The following ANO6 variants were observed in gnomAD, a reference collection of about 807,000 sequenced individuals.
The protein encoded by ANO6 is anoctamin 6, also known as anoctamin-6.
ANO6 carries 106 observed loss-of-function variants against 117.5 expected under a neutral mutation model. That is an observed-to-expected ratio of 0.90 (90% CI 0.77 to 1.06). The LOEUF (loss-of-function observed/expected upper bound fraction) is 1.06. Ranked by LOEUF, ANO6 falls within the 50% of genes least tolerant of loss-of-function variation. The pLI is 0.00. For missense variants in ANO6, 955 were observed against 1,121.1 expected, an observed-to-expected ratio of 0.85 and a Z score of 2.12; for synonymous variants, 367 against 385.1, an observed-to-expected ratio of 0.95 and a Z score of 0.55.
At chr12:45,217,323 T>C (rs114653198) in intron 1 of ANO6, among the ~76,000 whole-genome samples, 5,002 of 152,256 alleles carry the variant, frequency 0.033, 241 homozygotes, top group African/African-American at 0.11. Context: ...GTCTCCTGGA[T>C]GCCAAATCAA....
At chr12:45,338,996 G>A (rs1230591261) in intron 3 of ANO6, among the ~76,000 whole-genome samples, 3 of 152,054 alleles carry the variant, frequency 2.0e-5, no homozygotes, top group African/African-American at 4.8e-5. Flanking sequence ...TCATTTACCT[G>A]GTACCAGCAG....
chr12:45,236,452 A>G (rs1278960706), intron 1 of ANO6, among the ~76,000 whole-genome samples: 1 of 152,084 alleles, frequency 6.6e-6, no homozygotes, highest in Non-Finnish European at 1.5e-5. Flanking sequence ...TCATTGTTCA[A>G]TTCCCAACTA....
chr12:45,301,197 G>A (rs1446885018), intron 1 of ANO6, among the ~76,000 whole-genome samples: 1 of 151,334 alleles, frequency 6.6e-6, no homozygotes, highest in African/African-American at 2.4e-5. Context: ...AGGGTAGTAT[G>A]GGTTAAATAA....
chr12:45,416,828 T>C lies in ANO6; in HGVS notation c.2141T>C (p.Val714Ala). 6.2e-7 allele frequency: 1 copy of C among 1,614,144 alleles called. No homozygotes were observed. The highest frequency in any genetic ancestry group is 8.5e-7 in the Non-Finnish European group (1 of 1,180,022). Residue 714 changes from valine (V) to alanine (A), a missense_variant, in exon 17 of 20, where the codon GTA (valine) becomes GCA (alanine). Coordinates refer to ENST00000320560, the MANE Select transcript of ANO6 (RefSeq NM_001025356.3). ...CTGACCACCCAGTTTAGACGCCTGGTACCAGAGAAAGCCCAAGACATTGGA... is the reference window on the plus strand; with the variant it reads ...CTGACCACCCAGTTTAGACGCCTGGCACCAGAGAAAGCCCAAGACATTGGA... ...WKLTTQFRRL[V>A]PEKAQDIGAW...
intron 13 of ANO6, among the ~76,000 whole-genome samples, chr12:45,402,355 G>A (rs1942813811): frequency 6.6e-6 from 1 of 152,172 alleles, no homozygotes; most frequent in Non-Finnish European, 1.5e-5. Context: ...CATGGTTCCG[G>A]TGGCAAATAT....
chr12:45,225,646 G>A (rs367562560), intron 1 of ANO6, among the ~76,000 whole-genome samples: 2 of 151,944 alleles, frequency 1.3e-5, no homozygotes, highest in Admixed American at 6.6e-5. Context: ...CCACCACCAC[G>A]CCCGGCTAAT....
chr12:45,355,806 T>C (rs979797195), intron 7 of ANO6, among the ~76,000 whole-genome samples: 3 of 152,164 alleles, frequency 2.0e-5, no homozygotes, highest in African/African-American at 7.2e-5. Context: ...CTGTGAGTGC[T>C]TGTCCAGCCC....
intron 2 of ANO6, among the ~76,000 whole-genome samples, chr12:45,324,156 A>G (rs1654298303): frequency 6.6e-6 from 1 of 151,620 alleles, no homozygotes; most frequent in Non-Finnish European, 1.5e-5. Context: ...CTGGTCTCGA[A>G]CTCCTGACCT....
intron 19 of ANO6, among the ~76,000 whole-genome samples, chr12:45,438,649 T>C (rs1306043174): frequency 6.6e-6 from 1 of 152,160 alleles, no homozygotes; most frequent in Non-Finnish European, 1.5e-5. Context: ...CTATTACGTA[T>C]ATGTAAATAT....
intron 9 of ANO6, among the ~76,000 whole-genome samples, chr12:45,370,339 A>G (rs185630193): frequency 6.6e-6 from 1 of 152,374 alleles, no homozygotes; most frequent in Non-Finnish European, 1.5e-5. Flanking sequence ...AGTGCTAGGC[A>G]TGTCCATCAC....
intron 1 of ANO6, among the ~76,000 whole-genome samples, chr12:45,236,247 A>AT (rs1378314299): frequency 6.6e-6 from 1 of 152,036 alleles, no homozygotes; most frequent in Non-Finnish European, 1.5e-5. Context: ...TATTATTATT[A>AT]TTTTTTTAAG....
chr12:45,225,423 A>G (rs1367420259), intron 1 of ANO6, among the ~76,000 whole-genome samples: 1 of 152,104 alleles, frequency 6.6e-6, no homozygotes, highest in Non-Finnish European at 1.5e-5. Flanking sequence ...TTTGTATCTC[A>G]CAGCCTGAAT....
At chr12:45,358,534 T>C (rs12809159) in intron 8 of ANO6, among the ~76,000 whole-genome samples, 8,470 of 152,190 alleles carry the variant, frequency 0.056, 476 homozygotes, top group East Asian at 0.32. Context: ...TATAAGGTCC[T>C]CATGGGTTGT....
At chr12:45,314,700 CA>C (rs1939963966) in intron 2 of ANO6, among the ~76,000 whole-genome samples, 1 of 151,810 alleles carries the variant, frequency 6.6e-6, no homozygotes, top group Admixed American at 6.6e-5. Context: ...AGGATTTTAC[CA>C]GGTCTTTTGA....
rs1941445113 is a variant in ANO6 at position 45,357,537 on chromosome 12, C to CT, written c.998+115dup. 1.0e-5 allele frequency: 14 copies of CT among 1,348,172 alleles called. No individual in the cohort carries two copies. The South Asian group carries it at 1.6e-4, about 15-fold the overall frequency. 83.5% of individuals were successfully genotyped at this position (1,348,172 alleles called of 1,614,324 possible). A position where few individuals can be genotyped will look rare whatever the true frequency, so the allele number is the denominator to read the frequency against. Reference sequence around the variant, plus strand: ...AAGACTGACTGCAGAACATTCATTGCTTGGGATGATATATCCCTTTTGTTC... The same window carrying CT: ...AAGACTGACTGCAGAACATTCATTGCTTTGGGATGATATATCCCTTTTGTTC... On this transcript the variant is annotated intron_variant, in intron 8 of 19. Coordinates refer to ENST00000320560, the MANE Select transcript of ANO6 (RefSeq NM_001025356.3).
intron 7 of ANO6, among the ~76,000 whole-genome samples, chr12:45,352,783 T>C (rs1941314953): frequency 1.3e-5 from 2 of 152,050 alleles, no homozygotes; most frequent in South Asian, 4.2e-4. Flanking sequence ...CAGATTTCCC[T>C]TATTGTCCCC....
At chr12:45,299,922 C>A (rs1483821767) in intron 1 of ANO6, among the ~76,000 whole-genome samples, 2 of 151,992 alleles carry the variant, frequency 1.3e-5, no homozygotes, top group Non-Finnish European at 2.9e-5. Context: ...AGGTGCCAAA[C>A]CTAAGTATTT....
At chr12:45,243,624 A>T (rs1435012724) in intron 1 of ANO6, among the ~76,000 whole-genome samples, 3 of 151,564 alleles carry the variant, frequency 2.0e-5, no homozygotes, top group Admixed American at 6.6e-5. Flanking sequence ...ATCTCGGCTC[A>T]CTGCAACCTC....
Position 45,429,088 on chromosome 12 carries a change from C to G in ANO6, c.2527-17C>G. 3.1e-6 allele frequency: 5 copies of G among 1,611,922 alleles called. No individual in the cohort carries two copies. Among genetic ancestry groups the G allele is most frequent in the Non-Finnish European group, 4.2e-6 (5 of 1,179,496 alleles). ...CCATTTCTTTGTGAGTGACATTTTT[C>G]TTCTTCTCTTCCCCAGCACGTCATC... is the stretch of plus-strand genomic sequence containing the variant. On this transcript the variant is annotated splice_polypyrimidine_tract_variant and intron_variant, in intron 19 of 19. Coordinates refer to ENST00000320560, the MANE Select transcript of ANO6 (RefSeq NM_001025356.3).
Sources: allele counts gnomAD v4.1 joint callset (sites outside exome capture counted in the v4.1 genomes callset), GRCh38; gene constraint gnomAD v4.1.1; transcripts MANE v1.5; gene names NCBI Gene and HGNC (gene_info 2026-07-23, HGNC 2026-07-21).